The following PACS2 variants were observed in gnomAD, a reference collection of about 807,000 sequenced individuals.
PACS2 encodes PACS1-like protein.
A neutral mutation model predicts 113.0 loss-of-function variants in PACS2; 36 were observed. The observed-to-expected ratio is 0.32, with a 90% CI of 0.24 to 0.42. PACS2 has a LOEUF of 0.42. Among genes scored for constraint, PACS2 ranks in the 10% least tolerant of loss-of-function variants. PACS2 has a pLI of 1.00. For missense variants in PACS2, 1,015 were observed against 1,239.5 expected (o/e 0.82, Z 2.72); for synonymous variants, 589 against 536.1 (o/e 1.10, Z -1.36).
chr14:105,380,097 G>A lies in PACS2; in HGVS notation c.1068G>A (p.Lys356=). Residue 356 remains lysine (K), a synonymous_variant, in exon 11 of 25, where the codon AAG becomes AAA. Transcript: ENST00000447393. ...CCCCACAGGCTGACGTGCCCGAGAA[G>A]ACGCGGTCCCTGGGAGGCAGGCAGC... ...EPPSPADVPE[K]TRSLGGRQPS... 6.4e-7 allele frequency: 1 copy of A among 1,553,214 alleles called. No homozygotes were observed. The highest frequency in any genetic ancestry group is 1.2e-5 in the South Asian group (1 of 84,186).
chr14:105,355,522 CG>C lies in PACS2; in HGVS notation c.423+348del, dbSNP rs1448306197. Among the ~76,000 whole-genome samples the C allele has an allele frequency of 6.6e-6, 1 of 152,226 alleles. No homozygotes were observed. Among genetic ancestry groups the C allele is most frequent in the Non-Finnish European group, 1.5e-5 (1 of 68,042 alleles). Reference sequence around the variant, plus strand: ...AGGAATCGCTGCTGTCCCCACACCACGGGTGCGTCCTGTGATGGGTTCGTGT... The same window carrying C: ...AGGAATCGCTGCTGTCCCCACACCACGGTGCGTCCTGTGATGGGTTCGTGT... On this transcript the variant is annotated intron_variant, in intron 4 of 24. Transcript: ENST00000447393. The surrounding 1 kb of genome is among the most constrained non-coding windows in gnomAD (Gnocchi z 4.1).
intron 4 of PACS2, among the ~76,000 whole-genome samples, chr14:105,363,433 C>G (rs1461767072): frequency 6.6e-6 from 1 of 152,256 alleles, no homozygotes; most frequent in Admixed American, 6.5e-5. Flanking sequence ...CTTGCCGCTT[C>G]ACCTTGCATT....
intron 2 of PACS2, among the ~76,000 whole-genome samples, chr14:105,350,680 C>T (rs587597762): frequency 6.6e-6 from 1 of 152,378 alleles, no homozygotes; most frequent in African/African-American, 2.4e-5. Flanking sequence ...TCAGCCTTCT[C>T]TGGCGTGCAC....
At position 105,384,385 on chromosome 14, in the gene PACS2, G is replaced by A. The variant is rs782312228; in HGVS notation, c.1813G>A (p.Val605Met). The change falls in exon 17 of 25, where the codon GTG (valine) becomes ATG (methionine). Residue 605 changes from valine (V) to methionine (M), a missense_variant. Physicochemically the swap from Val to Met is conservative, Grantham distance 21. Transcript: ENST00000447393. ...CCCCGTGGCCAGGTACCTAGGCTCCGTGGACTACCGCTACAACAACTTCTT... is the reference window on the plus strand; with the variant it reads ...CCCCGTGGCCAGGTACCTAGGCTCCATGGACTACCGCTACAACAACTTCTT... The part of the protein sequence containing the change: ...SHPVARYLGS[V>M]DYRYNNFFQD... 1.4e-5 allele frequency: 23 copies of A among 1,612,050 alleles called. No individual in the cohort carries two copies. In the South Asian group the frequency reaches 1.5e-4, roughly 11 times the overall value.
intron 1 of PACS2, among the ~76,000 whole-genome samples, chr14:105,316,580 T>C (rs1358256237): frequency 6.6e-6 from 1 of 152,102 alleles, no homozygotes; most frequent in Non-Finnish European, 1.5e-5. Flanking sequence ...AGCAGCAAAG[T>C]CTTTAACCCA....
At chr14:105,384,752 A>G (rs1188503044) in intron 17 of PACS2, 127 bp from the exon 18 acceptor site, 2 of 679,558 alleles carry the variant, frequency 2.9e-6, no homozygotes, top group African/African-American at 1.8e-5. Flanking sequence ...CTCAGCTGCA[A>G]CCAGCGAGCC....
At chr14:105,342,313 G>A (rs1555401757) in intron 1 of PACS2, among the ~76,000 whole-genome samples, 1 of 151,692 alleles carries the variant, frequency 6.6e-6, no homozygotes, top group Non-Finnish European at 1.5e-5. Context: ...CTGTCACCCA[G>A]GCTGAGTGTA....
intron 2 of PACS2, among the ~76,000 whole-genome samples, 197 bp from the exon 3 acceptor site, chr14:105,352,181 G>C (rs80079137): frequency 2.0e-5 from 3 of 152,124 alleles, no homozygotes; most frequent in African/African-American, 7.2e-5. Flanking sequence ...CCTGTGGGCC[G>C]AAGGGTCTCC....
At chr14:105,347,612 G>A (rs1036932732) in intron 1 of PACS2, among the ~76,000 whole-genome samples, 2 of 152,178 alleles carry the variant, frequency 1.3e-5, no homozygotes, top group African/African-American at 2.4e-5. Flanking sequence ...CCTGAAGCCG[G>A]GCAGGGCAGA....
At position 105,391,682 on chromosome 14, in the gene PACS2, C is replaced by T. The variant is rs587610084; in HGVS notation, c.2171C>T (p.Pro724Leu). Residue 724 changes from proline (P) to leucine (L), a missense_variant, in exon 22 of 25, where the codon CCG becomes CTG. By Grantham distance (98) the Pro-to-Leu change is moderately conservative. Coordinates refer to ENST00000447393, the MANE Select transcript of PACS2 (RefSeq NM_001100913.3). ...GGCTCTGGCACGCTCTCCTCCACCC[C>T]GCCGTCCGCATCTCCTGCGGCCAAG... ...PSGSGTLSST[P>L]PSASPAAKEA... The T allele has an allele frequency of 6.2e-5, 100 of 1,608,976 alleles. 3 individuals are homozygous for T. The South Asian group carries it at 9.9e-4, about 16-fold the overall frequency.
rs939138106 is a variant in PACS2 at position 105,315,917 on chromosome 14, C to T, written c.119+880C>T. ...GGCGGTTGGGGGTAGTGAGAGTTCT[C>T]CCTGGGGAGATGGGAGGGTGAGCGG... is the stretch of plus-strand genomic sequence containing the variant. On this transcript the variant is annotated intron_variant, in intron 1 of 24. Transcript: ENST00000447393. The surrounding 1 kb of genome is among the most constrained non-coding windows in gnomAD (Gnocchi z 4.4). Among the ~76,000 whole-genome samples the T allele has an allele frequency of 1.3e-5, 2 of 152,176 alleles. No individual in the cohort carries two copies. The highest frequency in any genetic ancestry group is 6.5e-5 in the Admixed American group (1 of 15,282).
rs948999450 is a variant in PACS2 at position 105,309,274 on chromosome 14, A to G, written c.-83+8295A>G. The stretch of plus-strand genomic sequence containing the variant: ...CTTGGGGCTCAGGATAACCACAGTC[A>G]AGAGGGGAGAGTTTTATTCCTGAAT... On this transcript the variant is annotated intron_variant, in intron 1 of 23. Transcript: ENST00000430725. This position sits in a 1 kb window ranked among gnomAD's most constrained non-coding sequence, Gnocchi z 4.0. Among the ~76,000 whole-genome samples the G allele has an allele frequency of 1.3e-5, 2 of 152,224 alleles. No homozygotes were observed. The highest frequency in any genetic ancestry group is 4.8e-5 in the African/African-American group (2 of 41,454).
rs1211660572 is a variant in PACS2, at chr14:105,365,764, T to G, written c.424-1449T>G. On this transcript the variant is annotated intron_variant, in intron 4 of 24. Transcript: ENST00000447393. This position sits in a 1 kb window ranked among gnomAD's most constrained non-coding sequence, Gnocchi z 5.1. ...GACCGAGGGCTTCTGAGCTTCCAGGTTCTCACCCCTGTGTGACACTGAGAC... is the reference window on the plus strand; with the variant it reads ...GACCGAGGGCTTCTGAGCTTCCAGGGTCTCACCCCTGTGTGACACTGAGAC... Among the ~76,000 whole-genome samples the G allele has an allele frequency of 6.6e-6, 1 of 152,136 alleles. No homozygotes were observed. Among genetic ancestry groups the G allele is most frequent in the Non-Finnish European group, 1.5e-5 (1 of 68,020 alleles).
At position 105,324,795 on chromosome 14, in the gene PACS2, C is replaced by T. The variant is rs2059034443; in HGVS notation, c.119+9758C>T. On this transcript the variant is annotated intron_variant, in intron 1 of 24. Coordinates refer to ENST00000447393, the MANE Select transcript of PACS2 (RefSeq NM_001100913.3). The surrounding 1 kb of genome is among the most constrained non-coding windows in gnomAD (Gnocchi z 4.7). The stretch of plus-strand genomic sequence containing the variant: ...TGGCTACTGCTGGGCTGCTCTCAGG[C>T]CCGGGACATTCATGGCCGTAGCCCC... 6.6e-6 allele frequency among the ~76,000 whole-genome samples: 1 copy of T among 152,174 alleles called. No homozygotes were observed. Among genetic ancestry groups the T allele is most frequent in the Non-Finnish European group, 1.5e-5 (1 of 68,010 alleles).
chr14:105,367,511 T>C, intron 5 of PACS2, 136 bp downstream of exon 5: 1 of 841,608 alleles, frequency 1.2e-6, no homozygotes, highest in Non-Finnish European at 1.9e-6. Flanking sequence ...GTTGCTCTCC[T>C]GTCTGGAAGC....
intron 11 of PACS2, 26 bp downstream of exon 11, chr14:105,380,180 C>T: frequency 6.5e-7 from 1 of 1,535,484 alleles, no homozygotes; most frequent in Non-Finnish European, 8.8e-7. Context: ...CCGCACCCAC[C>T]CGTTCCACAC....
intron 1 of PACS2, among the ~76,000 whole-genome samples, chr14:105,341,060 A>T (rs1488013253): frequency 2.6e-5 from 4 of 152,210 alleles, no homozygotes; most frequent in Admixed American, 2.6e-4. Context: ...CGCTCCTGAG[A>T]CCTGCAGTGC....
At chr14:105,383,745 C>T (rs2081075859) in intron 16 of PACS2, 2 of 527,112 alleles carry the variant, frequency 3.8e-6, no homozygotes, top group Admixed American at 7.5e-5. Flanking sequence ...TGCAAGATAA[C>T]TTGATTGCCC....
chr14:105,363,392 T>C (rs1430600918), intron 4 of PACS2, among the ~76,000 whole-genome samples: 1 of 152,224 alleles, frequency 6.6e-6, no homozygotes, highest in Non-Finnish European at 1.5e-5. Flanking sequence ...CTAGACCTTC[T>C]AGAGAACTCG....
Sources: gnomAD v4.1 joint callset for allele counts (sites outside exome capture counted in the v4.1 genomes callset) on GRCh38, gnomAD v4.1.1 for gene constraint, Gnocchi (gnomAD v3.1) non-coding constraint, MANE v1.5 for transcripts, NCBI Gene and HGNC (gene_info 2026-07-23, HGNC 2026-07-21) for gene names.